The following UFD1 variants were observed in gnomAD, a reference collection of about 807,000 sequenced individuals.
UFD1 encodes the protein ubiquitin recognition factor in ER associated degradation 1.
UFD1 carries 13 observed loss-of-function variants against 45.9 expected under a neutral mutation model. The observed-to-expected ratio is 0.28, with a 90% CI of 0.18 to 0.45. The LOEUF is 0.45. UFD1 is among the 20% of genes least tolerant of loss of function. UFD1 has a pLI of 1.00. For synonymous variants in UFD1, 128 were observed against 139.2 expected (o/e 0.92, Z 0.56); for missense variants, 218 against 389.2 (o/e 0.56, Z 3.70).
rs142637736 is a variant in UFD1, at chr22:19,472,109, T to C, written c.170-301A>G. Among the ~76,000 whole-genome samples the C allele has an allele frequency of 3.3e-4, 50 of 152,146 alleles. No homozygotes were observed. The East Asian group carries it at 8.9e-3, about 27-fold the overall frequency. On this transcript the variant is annotated intron_variant, in intron 3 of 11. Transcript: ENST00000263202. ...CATGCCCTGGACAAAATCCCGACCT[T>C]CAAAGGTTTCTAGTTTGAAGGTAGA...
At chr22:19,464,022 G>A (rs546516467) in intron 6 of UFD1, among the ~76,000 whole-genome samples, 2 of 152,238 alleles carry the variant, frequency 1.3e-5, no homozygotes, top group East Asian at 1.9e-4. Context: ...TAAGGTAAAC[G>A]ATACCTAAAA....
At chr22:19,452,363 CCTAT>C (rs2089689449) in intron 11 of UFD1, 2 of 152,130 alleles carry the variant, frequency 1.3e-5, no homozygotes, top group South Asian at 2.1e-4. Context: ...TTTAAATGGC[CCTAT>C]CTGAGTTACT....
chr22:19,461,607 T>C (rs1240552958), intron 6 of UFD1, among the ~76,000 whole-genome samples: 4 of 152,246 alleles, frequency 2.6e-5, no homozygotes, highest in African/African-American at 4.8e-5. Flanking sequence ...TCTCCTATCC[T>C]TGTGTGGTTT....
At chr22:19,451,773 C>T (rs969978473) in intron 11 of UFD1, 2 of 985,338 alleles carry the variant, frequency 2.0e-6, no homozygotes, top group African/African-American at 3.5e-5. Flanking sequence ...ATCCTGGTGT[C>T]AATAGCTGTG....
At position 19,475,110 on chromosome 22, in the gene UFD1, G is replaced by C; in HGVS notation, c.137-10C>G. ...GAGGGTGGCATAATTACTGTGGAAA[G>C]AACATTTAAGAAATATTAAAAAATA... is the stretch of plus-strand genomic sequence containing the variant. On this transcript the variant is annotated splice_polypyrimidine_tract_variant and intron_variant, in intron 2 of 11. Coordinates refer to ENST00000263202, the MANE Select transcript of UFD1 (RefSeq NM_005659.7). 1 of 1,604,606 alleles carries C rather than the reference G, an allele frequency of 6.2e-7. No homozygotes were observed. The highest frequency in any genetic ancestry group is 8.5e-7 in the Non-Finnish European group (1 of 1,177,044).
At chr22:19,451,708 G>A in intron 11 of UFD1, 1 of 985,456 alleles carries the variant, frequency 1.0e-6, no homozygotes, top group Non-Finnish European at 1.2e-6. Context: ...TCACATTCAT[G>A]TAAATTTGAG....
chr22:19,472,612 C>T (rs1233150809), intron 3 of UFD1, among the ~76,000 whole-genome samples: 2 of 152,186 alleles, frequency 1.3e-5, no homozygotes, highest in Non-Finnish European at 2.9e-5. Context: ...GCAGGAAAAC[C>T]CAGGAGACAC....
At position 19,461,210 on chromosome 22, in the gene UFD1, A is replaced by G. The variant is rs375999018; in HGVS notation, c.496-3071T>C. On this transcript the variant is annotated intron_variant, in intron 6 of 11. Transcript: ENST00000263202. Reference sequence around the variant, plus strand: ...GAATTCCCTTCCTTTTTAATGTTGAATAATATTACATTGTATGTGTGTACC... The same window carrying G: ...GAATTCCCTTCCTTTTTAATGTTGAGTAATATTACATTGTATGTGTGTACC... Among the ~76,000 whole-genome samples the G allele has an allele frequency of 5.7e-4, 87 of 152,354 alleles. 2 individuals carry two copies. In the South Asian group the frequency reaches 0.017, roughly 30 times the overall value.
At chr22:19,468,155 G>A (rs1209782644) in intron 4 of UFD1, 152 bp from the exon 5 acceptor site, 6 of 1,139,800 alleles carry the variant, frequency 5.3e-6, no homozygotes, top group African/African-American at 3.1e-5. Context: ...TGTCAGGAAG[G>A]AGGGAAAAAT....
chr22:19,455,493 G>C (rs1473380595), intron 10 of UFD1, among the ~76,000 whole-genome samples, 187 bp downstream of exon 10: 1 of 152,070 alleles, frequency 6.6e-6, no homozygotes, highest in East Asian at 1.9e-4. Context: ...CAGTGGTACT[G>C]GGGGTGGCAC....
intron 4 of UFD1, 83 bp from the exon 5 acceptor site, chr22:19,468,086 C>T (rs1417035004): frequency 5.8e-6 from 9 of 1,542,536 alleles, no homozygotes; most frequent in East Asian, 4.6e-5. Flanking sequence ...TGGGCAGGCC[C>T]GTCTTACTTG....
In UFD1 at chr22:19,458,133, C is replaced by G; in HGVS notation, c.502G>C (p.Glu168Gln). 6.2e-7 allele frequency: 1 copy of G among 1,614,006 alleles called. No homozygotes were observed. The highest frequency in any genetic ancestry group is 8.5e-7 in the Non-Finnish European group (1 of 1,179,932). The change falls in exon 7 of 12, where the codon GAA becomes CAA. Residue 168 changes from glutamate to glutamine, a missense_variant. Glu to Gln is a conservative substitution (Grantham distance 29, BLOSUM62 2). Around this residue, in one of 2 missense-constraint regions of UFD1, gnomAD observed 149 missense variants for 307.5 expected, o/e 0.48. Transcript: ENST00000263202. Reference protein sequence around the residue: ...IAINYNEKIYELRVMETKPDK... With the variant: ...IAINYNEKIYQLRVMETKPDK... ...GGTTTGGTCTCCATCACACGCAGTTCGTAGATCTGTGGGGCAAACACAGAA... is the reference window on the plus strand; with the variant it reads ...GGTTTGGTCTCCATCACACGCAGTTGGTAGATCTGTGGGGCAAACACAGAA...
In UFD1 at chr22:19,456,807, A is replaced by T. The variant is rs1008344835; in HGVS notation, c.630+46T>A. On this transcript the variant is annotated intron_variant, in intron 8 of 11. Transcript: ENST00000263202. Reference sequence around the variant, plus strand: ...CACGAGCCACTGCCAGGAACTCAAAAGCAGCATGCAGCAGGACAGCAAAGG... The same window carrying T: ...CACGAGCCACTGCCAGGAACTCAAATGCAGCATGCAGCAGGACAGCAAAGG... The T allele has an allele frequency of 3.1e-6, 5 of 1,614,016 alleles. No individual in the cohort carries two copies. The Admixed American group carries it at 6.7e-5, about 22-fold the overall frequency.
chr22:19,465,438 G>T, intron 5 of UFD1, 164 bp from the exon 6 acceptor site: 1 of 599,656 alleles, frequency 1.7e-6, no homozygotes, highest in Non-Finnish European at 2.9e-6. Flanking sequence ...AAGAAGGATG[G>T]AACTCCTAAT....
chr22:19,455,580 G>T, intron 10 of UFD1, 100 bp downstream of exon 10: 1 of 1,110,344 alleles, frequency 9.0e-7, no homozygotes, highest in Non-Finnish European at 1.3e-6. Context: ...GGAGACTACT[G>T]ACCCAGGCTT....
intron 11 of UFD1, chr22:19,451,925 T>C (rs1601884050): frequency 1.0e-6 from 1 of 985,454 alleles, no homozygotes; most frequent in East Asian, 1.1e-4. Context: ...GGGGGCTCCT[T>C]ATTTCCTGGA....
At chr22:19,478,937 C>T in intron 1 of UFD1, 146 bp downstream of exon 1, 2 of 1,113,728 alleles carry the variant, frequency 1.8e-6, no homozygotes, top group Non-Finnish European at 2.5e-6. Flanking sequence ...TGCTTGTGCC[C>T]GGTGCGGCCG....
chr22:19,471,302 T>G, intron 4 of UFD1: 1 of 532,286 alleles, frequency 1.9e-6, no homozygotes, highest in Non-Finnish European at 3.7e-6. Context: ...AAAACATGTA[T>G]GCTGTGACAG....
At chr22:19,456,106 C>A (rs111368674) in intron 9 of UFD1, among the ~76,000 whole-genome samples, 1 of 152,194 alleles carries the variant, frequency 6.6e-6, no homozygotes. Context: ...AGCTTCCCAT[C>A]ATTCTGCCCT....
Sources: gnomAD v4.1 joint callset for allele counts (sites outside exome capture counted in the v4.1 genomes callset) on GRCh38, gnomAD v4.1.1 for gene constraint, gnomAD v4.1.1 regional missense constraint, MANE v1.5 for transcripts, NCBI Gene and HGNC (gene_info 2026-07-23, HGNC 2026-07-21) for gene names.